The following HOMER2 variants were observed in gnomAD, a reference collection of about 807,000 sequenced individuals.
The protein encoded by HOMER2 is homer scaffold protein 2.
A neutral mutation model predicts 47.0 loss-of-function variants in HOMER2; 27 were observed. The observed-to-expected ratio is 0.57, with a 90% CI of 0.42 to 0.79. The LOEUF (loss-of-function observed/expected upper bound fraction) is 0.79. HOMER2 is among the 30% of genes least tolerant of loss of function. The pLI, the probability that HOMER2 is intolerant of heterozygous loss-of-function variation, is 0.00. For missense variants in HOMER2, 443 were observed against 435.0 expected, an observed-to-expected ratio of 1.02 and a Z score of -0.16; for synonymous variants, 161 against 163.8, an observed-to-expected ratio of 0.98 and a Z score of 0.13.
At chr15:82,922,818 C>T (rs2053763750) in intron 1 of HOMER2, among the ~76,000 whole-genome samples, 1 of 152,148 alleles carries the variant, frequency 6.6e-6, no homozygotes, top group Admixed American at 6.5e-5. Context: ...TCAATCCCTG[C>T]ACCCAACCTA....
intron 2 of HOMER2, among the ~76,000 whole-genome samples, chr15:82,877,645 T>A (rs1287905363): frequency 6.6e-6 from 1 of 152,206 alleles, no homozygotes. Context: ...CCTCTTCTTT[T>A]CCCCATCTAT....
chr15:82,876,103 G>A (rs936120810), intron 2 of HOMER2, among the ~76,000 whole-genome samples: 1 of 152,188 alleles, frequency 6.6e-6, no homozygotes, highest in Non-Finnish European at 1.5e-5. Flanking sequence ...GACACAGTCA[G>A]CACATGGCAA....
chr15:82,855,346 A>AAAAAAAAAAAAAAAC, intron 5 of HOMER2, among the ~76,000 whole-genome samples: 1 of 150,962 alleles, frequency 6.6e-6, no homozygotes, highest in Non-Finnish European at 1.5e-5. Context: ...AAAAAAAAAA[A>AAAAAAAAAAAAAAAC]AAAGAAAACA....
At chr15:82,848,486 T>C (rs1428831779), downstream of HOMER2, among the ~76,000 whole-genome samples, 2 of 152,132 alleles carry the variant, frequency 1.3e-5, no homozygotes, top group East Asian at 3.9e-4. Context: ...ACTGAGCAGC[T>C]CTGTGAGAGA....
chr15:82,944,767 C>T (rs2054338593), intron 1 of HOMER2, among the ~76,000 whole-genome samples: 1 of 151,724 alleles, frequency 6.6e-6, no homozygotes, highest in South Asian at 2.1e-4. Context: ...TTTTAATTTC[C>T]CTTCATACTA....
chr15:82,897,224 C>T (rs1021867772), intron 1 of HOMER2, among the ~76,000 whole-genome samples: 1 of 151,908 alleles, frequency 6.6e-6, no homozygotes, highest in Non-Finnish European at 1.5e-5. Context: ...TGCCACCACG[C>T]CCAGCTAATT....
chr15:82,945,485 CATAT>C (rs1188152766), intron 1 of HOMER2, among the ~76,000 whole-genome samples: 7 of 151,092 alleles, frequency 4.6e-5, no homozygotes, highest in Non-Finnish European at 1.0e-4. Flanking sequence ...CACACACAGA[CATAT>C]ATACATGGAA....
At chr15:82,868,958 GT>G (rs1265368699) in intron 3 of HOMER2, among the ~76,000 whole-genome samples, 2 of 152,102 alleles carry the variant, frequency 1.3e-5, no homozygotes, top group East Asian at 3.8e-4. Flanking sequence ...AGCCATGACA[GT>G]TTACTCATTC....
chr15:82,919,548 G>A (rs1368180967), intron 1 of HOMER2, among the ~76,000 whole-genome samples: 1 of 152,186 alleles, frequency 6.6e-6, no homozygotes, highest in Non-Finnish European at 1.5e-5. Flanking sequence ...AGGCTTCACA[G>A]ATCAAACTGA....
chr15:82,982,729 G>C (rs1004261652), intron 1 of HOMER2, among the ~76,000 whole-genome samples: 4 of 152,114 alleles, frequency 2.6e-5, no homozygotes, highest in African/African-American at 7.2e-5. Context: ...GTCAATAATA[G>C]TCACAAGGAA....
chr15:82,859,799 A>C (rs1283482816), intron 4 of HOMER2, among the ~76,000 whole-genome samples: 1 of 152,158 alleles, frequency 6.6e-6, no homozygotes. Context: ...GCCTCAAATA[A>C]GTACATGGGC....
chr15:82,874,902 C>T (rs1393513822), intron 3 of HOMER2, among the ~76,000 whole-genome samples: 3 of 152,196 alleles, frequency 2.0e-5, no homozygotes, highest in Admixed American at 2.0e-4. Context: ...GGAAGGTCAC[C>T]TAATCCTCAG....
chr15:82,892,124 T>C (rs1285939856), intron 2 of HOMER2, among the ~76,000 whole-genome samples: 1 of 152,060 alleles, frequency 6.6e-6, no homozygotes, highest in African/African-American at 2.4e-5. Flanking sequence ...CAAAACCACT[T>C]AATAAAATTC....
At chr15:82,860,023 A>G (rs1256125107) in intron 4 of HOMER2, among the ~76,000 whole-genome samples, 2 of 152,056 alleles carry the variant, frequency 1.3e-5, no homozygotes, top group African/African-American at 4.8e-5. Flanking sequence ...TGAGGCGGGC[A>G]GATCACCTGA....
intron 5 of HOMER2, among the ~76,000 whole-genome samples, chr15:82,857,181 G>A (rs2151616472): frequency 6.6e-6 from 1 of 152,184 alleles, no homozygotes; most frequent in Admixed American, 6.5e-5. Flanking sequence ...ATGGGATCCA[G>A]GTCTTTACAA....
chr15:82,932,925 G>A (rs902599953), intron 1 of HOMER2, among the ~76,000 whole-genome samples: 1 of 151,930 alleles, frequency 6.6e-6, no homozygotes, highest in Non-Finnish European at 1.5e-5. Flanking sequence ...CCCTCCCACC[G>A]ATCTGAACCC....
At chr15:82,874,615 C>T (rs1417053389) in intron 3 of HOMER2, among the ~76,000 whole-genome samples, 1 of 152,110 alleles carries the variant, frequency 6.6e-6, no homozygotes, top group Non-Finnish European at 1.5e-5. Context: ...AGCTATGAAT[C>T]CTCTCCCTAG....
intron 1 of HOMER2, among the ~76,000 whole-genome samples, chr15:82,935,850 G>A (rs573513678): frequency 6.6e-6 from 1 of 152,232 alleles, no homozygotes; most frequent in Admixed American, 6.5e-5. Flanking sequence ...GGAGACCTTC[G>A]ATGGGTCTCC....
In HOMER2 at chr15:82,859,145, A is replaced by T; in HGVS notation, c.388-10T>A. 4 of 1,614,020 alleles carry T rather than the reference A, an allele frequency of 2.5e-6. No individual in the cohort carries two copies. Among genetic ancestry groups the T allele is most frequent in the Non-Finnish European group, 2.5e-6 (3 of 1,179,894 alleles). On this transcript the variant is annotated splice_polypyrimidine_tract_variant and intron_variant, in intron 4 of 8. Coordinates refer to ENST00000450735, the MANE Select transcript of HOMER2 (RefSeq NM_004839.4). The stretch of plus-strand genomic sequence containing the variant: ...CGTTGACACTGGATGCCTGAGTAGA[A>T]GATGGGGTTTCACGCCCAGATTCCT...
Sources: gnomAD v4.1 joint callset for allele counts (sites outside exome capture counted in the v4.1 genomes callset) on GRCh38, gnomAD v4.1.1 for gene constraint, MANE v1.5 for transcripts, NCBI Gene and HGNC (gene_info 2026-07-23, HGNC 2026-07-21) for gene names.